The following PPP1R1C variants were observed in gnomAD, a reference collection of about 807,000 sequenced individuals.
PPP1R1C encodes the protein protein phosphatase 1 regulatory inhibitor subunit 1C, also known as protein phosphatase 1 regulatory subunit 1C.
Under a neutral mutation model 17.4 loss-of-function variants are expected in PPP1R1C, and 15 were observed. The observed-to-expected ratio is 0.86, with a 90% CI of 0.58 to 1.33. PPP1R1C has a LOEUF of 1.33. PPP1R1C is among the 40% of genes most tolerant of loss of function. The probability of loss-of-function intolerance (pLI) is 0.00; values close to 1 mark genes in which losing one functional copy is unlikely to be tolerated. For synonymous variants in PPP1R1C, 35 were observed against 43.1 expected (o/e 0.81, Z 0.73); for missense variants, 143 against 130.0 (o/e 1.10, Z -0.48).
At chr2:181,975,818 G>C (rs1210652513) in intron 2 of PPP1R1C, among the ~76,000 whole-genome samples, 3 of 151,892 alleles carry the variant, frequency 2.0e-5, no homozygotes, top group Non-Finnish European at 4.4e-5. Context: ...TAGGAACAGT[G>C]TTCTTTTGCA....
chr2:182,071,335 T>A (rs1050347819), intron 4 of PPP1R1C, among the ~76,000 whole-genome samples: 1 of 152,214 alleles, frequency 6.6e-6, no homozygotes, highest in East Asian at 1.9e-4. Flanking sequence ...AATATCCCTG[T>A]ACCGGGATTT....
intron 2 of PPP1R1C, among the ~76,000 whole-genome samples, chr2:182,034,392 A>T (rs1322549707): frequency 6.6e-6 from 1 of 152,160 alleles, no homozygotes; most frequent in Non-Finnish European, 1.5e-5. Context: ...TATGGAAGAG[A>T]TAGAGTGTAT....
At chr2:181,968,323 A>G (rs1358204331) in intron 1 of PPP1R1C, among the ~76,000 whole-genome samples, 3 of 152,200 alleles carry the variant, frequency 2.0e-5, no homozygotes, top group African/African-American at 7.2e-5. Flanking sequence ...TTGTATTAGC[A>G]TCCATCTCTC....
intron 2 of PPP1R1C, among the ~76,000 whole-genome samples, chr2:182,023,589 C>G (rs979687817): frequency 1.9e-4 from 29 of 152,016 alleles, no homozygotes; most frequent in Admixed American, 1.8e-3. Flanking sequence ...AACAACTTGC[C>G]TAGTGTGCTT....
chr2:181,984,480 C>T (rs1027635341), upstream of PPP1R1C, among the ~76,000 whole-genome samples: 1 of 152,188 alleles, frequency 6.6e-6, no homozygotes, highest in Non-Finnish European at 1.5e-5. Context: ...TAAACTGTTA[C>T]ATAAAATGTA....
intron 3 of PPP1R1C, among the ~76,000 whole-genome samples, chr2:182,062,417 A>G (rs1211234624): frequency 6.6e-6 from 1 of 152,144 alleles, no homozygotes; most frequent in Non-Finnish European, 1.5e-5. Context: ...GGAAGTAAAT[A>G]TTAAAAATCC....
At chr2:182,077,268 G>A (rs1688342942) in intron 4 of PPP1R1C, among the ~76,000 whole-genome samples, 2 of 149,370 alleles carry the variant, frequency 1.3e-5, no homozygotes, top group South Asian at 4.2e-4. Context: ...TACTTTTTTT[G>A]GATTAAGATA....
At position 182,059,714 on chromosome 2, in the gene PPP1R1C, TCAA is replaced by T. The variant is rs777479217; in HGVS notation, c.143-1703_143-1701del. Reference sequence around the variant, plus strand: ...AAATAATTGATTTTATCAGCAGAACTCAACAACAACAACAACAACAACAACAAA... The same window carrying T: ...AAATAATTGATTTTATCAGCAGAACTCAACAACAACAACAACAACAACAAA... On this transcript the variant is annotated intron_variant, in intron 2 of 4. Transcript: ENST00000682840. Among the ~76,000 whole-genome samples, 274 of 149,582 alleles carry T rather than the reference TCAA, an allele frequency of 1.8e-3. 1 individual carries two copies. Among genetic ancestry groups the T allele is most frequent in the African/African-American group, 6.1e-3 (239 of 39,414 alleles).
intron 2 of PPP1R1C, among the ~76,000 whole-genome samples, chr2:181,975,895 T>G (rs1685084741): frequency 6.6e-6 from 1 of 152,056 alleles, no homozygotes; most frequent in African/African-American, 2.4e-5. Flanking sequence ...AGCTTGTCCT[T>G]CATTAGAAGA....
intron 2 of PPP1R1C, among the ~76,000 whole-genome samples, chr2:182,022,607 C>T (rs965594284): frequency 6.6e-6 from 1 of 152,140 alleles, no homozygotes; most frequent in African/African-American, 2.4e-5. Context: ...TTTGAAAAGA[C>T]TTTGATTAAA....
At chr2:182,006,255 G>A (rs1685921020) in intron 2 of PPP1R1C, among the ~76,000 whole-genome samples, 1 of 152,072 alleles carries the variant, frequency 6.6e-6, no homozygotes, top group Admixed American at 6.5e-5. Context: ...CATGATATAT[G>A]GAAGTGAGGC....
chr2:182,034,840 A>C (rs140465925), intron 2 of PPP1R1C, among the ~76,000 whole-genome samples: 1 of 152,344 alleles, frequency 6.6e-6, no homozygotes, highest in Non-Finnish European at 1.5e-5. Context: ...TAGGCCACCA[A>C]AATCAGCAAA....
intron 4 of PPP1R1C, among the ~76,000 whole-genome samples, chr2:182,111,112 T>A (rs1689404457): frequency 6.6e-6 from 1 of 152,206 alleles, no homozygotes; most frequent in South Asian, 2.1e-4. Flanking sequence ...ATTGTTTGAA[T>A]TCATATTTCT....
At chr2:182,031,855 A>C (rs1686850914) in intron 2 of PPP1R1C, among the ~76,000 whole-genome samples, 1 of 152,202 alleles carries the variant, frequency 6.6e-6, no homozygotes. Flanking sequence ...AAAAGAAAAA[A>C]AGATTGATAT....
intron 4 of PPP1R1C, among the ~76,000 whole-genome samples, chr2:182,065,924 T>C (rs1687970710): frequency 6.6e-6 from 1 of 152,148 alleles, no homozygotes; most frequent in African/African-American, 2.4e-5. Context: ...TTTAGTTATT[T>C]TGCCTTCATT....
At chr2:182,057,660 A>G (rs374126536) in intron 2 of PPP1R1C, among the ~76,000 whole-genome samples, 2 of 152,292 alleles carry the variant, frequency 1.3e-5, no homozygotes, top group East Asian at 3.9e-4. Flanking sequence ...TACTTGCATC[A>G]GCTTTCAACA....
intron 2 of PPP1R1C, among the ~76,000 whole-genome samples, chr2:182,054,840 T>A (rs185042003): frequency 1.3e-5 from 2 of 152,070 alleles, no homozygotes; most frequent in Non-Finnish European, 2.9e-5. Context: ...TTCATATTTT[T>A]AGTAGAGACA....
intron 1 of PPP1R1C, among the ~76,000 whole-genome samples, chr2:181,971,470 T>C (rs1393910120): frequency 6.6e-6 from 1 of 152,124 alleles, no homozygotes; most frequent in African/African-American, 2.4e-5. Flanking sequence ...TAATGTCCCC[T>C]CTACTCTCCT....
chr2:182,056,225 C>G (rs1315518089), intron 2 of PPP1R1C, among the ~76,000 whole-genome samples: 1 of 152,186 alleles, frequency 6.6e-6, no homozygotes, highest in African/African-American at 2.4e-5. Context: ...TGGCCTTTGT[C>G]TTTCACACGA....
Sources: allele counts gnomAD v4.1 joint callset (sites outside exome capture counted in the v4.1 genomes callset), GRCh38; gene constraint gnomAD v4.1.1; transcripts MANE v1.5; gene names NCBI Gene and HGNC (gene_info 2026-07-23, HGNC 2026-07-21).